SLC35D2: variants seen among roughly 807,000 people sequenced by gnomAD.
The protein encoded by SLC35D2 is solute carrier family 35 member D2, also known as nucleotide sugar transporter SLC35D2.
A neutral mutation model predicts 41.8 loss-of-function variants in SLC35D2; 43 were observed. The observed-to-expected ratio is 1.03, with a 90% confidence interval of 0.81 to 1.33. The LOEUF (loss-of-function observed/expected upper bound fraction) is 1.33, where lower values mean the gene tolerates loss of function less well. SLC35D2 is among the 40% of genes most tolerant of loss of function. The pLI is 0.00. For synonymous variants in SLC35D2, 150 were observed against 163.9 expected, an observed-to-expected ratio of 0.92 and a Z score of 0.65; for missense variants, 380 against 408.4, an observed-to-expected ratio of 0.93 and a Z score of 0.60.
intron 9 of SLC35D2, among the ~76,000 whole-genome samples, chr9:96,324,894 C>A (rs561885247): frequency 6.6e-6 from 1 of 152,250 alleles, no homozygotes; most frequent in East Asian, 1.9e-4. Context: ...CGATGCCTGG[C>A]AGAGGTTCTG....
At chr9:96,344,885 G>A (rs1829508212) in intron 7 of SLC35D2, among the ~76,000 whole-genome samples, 1 of 152,094 alleles carries the variant, frequency 6.6e-6, no homozygotes, top group African/African-American at 2.4e-5. Context: ...TAAGGAAACT[G>A]AAGTTTGGAG....
At chr9:96,368,661 C>T (rs908021846) in intron 1 of SLC35D2, among the ~76,000 whole-genome samples, 1 of 149,872 alleles carries the variant, frequency 6.7e-6, no homozygotes, top group African/African-American at 2.5e-5. Context: ...GCCACCACAC[C>T]CAGCTAAACA....
chr9:96,366,683 C>G (rs1169455583), intron 2 of SLC35D2, among the ~76,000 whole-genome samples: 2 of 151,124 alleles, frequency 1.3e-5, no homozygotes, highest in Non-Finnish European at 2.9e-5. Context: ...ACCATGTTGT[C>G]CAGGCTGGTC....
chr9:96,375,836 G>A (rs984060496), intron 1 of SLC35D2, among the ~76,000 whole-genome samples: 9 of 152,020 alleles, frequency 5.9e-5, no homozygotes, highest in Non-Finnish European at 8.8e-5. Flanking sequence ...TGGCCAACAC[G>A]GCAAAACCCC....
intron 9 of SLC35D2, among the ~76,000 whole-genome samples, chr9:96,326,108 T>TAATTTGA (rs1828515558): frequency 1.3e-5 from 2 of 152,258 alleles, no homozygotes; most frequent in East Asian, 3.8e-4. Flanking sequence ...CTTGCAATTT[T>TAATTTGA]AATTTGAAAG....
intron 1 of SLC35D2, among the ~76,000 whole-genome samples, chr9:96,374,951 A>T (rs1041042875): frequency 2.0e-5 from 3 of 150,310 alleles, no homozygotes; most frequent in East Asian, 1.9e-4. Flanking sequence ...ATTATAGTAA[A>T]TTTTTTTTAA....
intron 1 of SLC35D2, among the ~76,000 whole-genome samples, chr9:96,378,161 C>G (rs977802478): frequency 6.6e-6 from 1 of 151,736 alleles, no homozygotes; most frequent in Non-Finnish European, 1.5e-5. Context: ...AAACCAGGCA[C>G]AATGGCTCAT....
At chr9:96,382,443 A>C (rs867088758) in intron 1 of SLC35D2, among the ~76,000 whole-genome samples, 1 of 149,162 alleles carries the variant, frequency 6.7e-6, no homozygotes, top group African/African-American at 2.5e-5. Flanking sequence ...AACAGAGTGA[A>C]ACCTTGTCTC....
chr9:96,355,355 A>G (rs937988868), intron 4 of SLC35D2, among the ~76,000 whole-genome samples: 1 of 151,748 alleles, frequency 6.6e-6, no homozygotes, highest in African/African-American at 2.4e-5. Context: ...ACAGTAGTGA[A>G]TGTCTGTAGT....
chr9:96,380,638 G>GT (rs779315318), intron 1 of SLC35D2, among the ~76,000 whole-genome samples: 26 of 150,008 alleles, frequency 1.7e-4, no homozygotes, highest in South Asian at 1.1e-3. Flanking sequence ...TTTTTTGTTT[G>GT]TTTTTTTTGT....
intron 4 of SLC35D2, chr9:96,357,566 AT>A (rs1363401391): frequency 6.6e-6 from 1 of 152,162 alleles, no homozygotes; most frequent in African/African-American, 2.4e-5. Context: ...AAAGAAAAAA[AT>A]TTTTAATTAA....
At chr9:96,377,884 T>G (rs35214563) in intron 1 of SLC35D2, among the ~76,000 whole-genome samples, 3,853 of 152,300 alleles carry the variant, frequency 0.025, 71 homozygotes, top group Middle Eastern at 0.054. Context: ...CATGAGCAGC[T>G]GGGAGCTAGG....
chr9:96,313,739 C>T (rs1242841555), exon 12 of SLC35D2, among the ~76,000 whole-genome samples: 3 of 152,356 alleles, frequency 2.0e-5, no homozygotes, highest in East Asian at 1.9e-4. Flanking sequence ...GCACAGGCTG[C>T]GTCCTCCCTG....
chr9:96,359,583 G>A (rs1335837583), intron 4 of SLC35D2, among the ~76,000 whole-genome samples: 3 of 151,954 alleles, frequency 2.0e-5, no homozygotes, highest in Non-Finnish European at 4.4e-5. Context: ...CCAGCTACTT[G>A]GGAGGCTGAG....
chr9:96,358,078 T>TA lies in SLC35D2; in HGVS notation c.347+2075_347+2076insT, dbSNP rs1491320526. ...AAATGGATAAACAAAATATTATATA[T>TA]TTTATATATATATATATATATATAT... On this transcript the variant is annotated intron_variant, in intron 4 of 11. Transcript: ENST00000253270. 3.4e-3 allele frequency among the ~76,000 whole-genome samples: 271 copies of TA among 79,124 alleles called. 9 individuals carry two copies. Among genetic ancestry groups the TA allele is most frequent in the African/African-American group, 0.017 (246 of 14,846 alleles). 51.9% of individuals were successfully genotyped at this position (79,124 alleles called of 152,430 possible).
At chr9:96,352,425 G>T (rs537859874) in intron 4 of SLC35D2, among the ~76,000 whole-genome samples, 123 of 151,982 alleles carry the variant, frequency 8.1e-4, no homozygotes, top group African/African-American at 2.9e-3. Flanking sequence ...GGGTTCAAGC[G>T]ATTCTCCTGC....
chr9:96,360,866 C>T (rs1019342207), intron 3 of SLC35D2, among the ~76,000 whole-genome samples: 11 of 151,784 alleles, frequency 7.2e-5, no homozygotes, highest in African/African-American at 2.4e-4. Context: ...CTCAGTCTCC[C>T]GAGTAGCTGG....
rs187884489 is a variant in SLC35D2, at chr9:96,321,158, C to T, written c.*84G>A. ...GCCCAGGGGGTGGATGTCACGAATC[C>T]GAAACCTCTGGCTTCACATTCCTAC... On this transcript the variant is annotated 3_prime_UTR_variant, in exon 12 of 12. Coordinates refer to ENST00000253270, the MANE Select transcript of SLC35D2 (RefSeq NM_007001.3). 2.3e-4 allele frequency: 249 copies of T among 1,061,118 alleles called. 1 individual carries two copies. The East Asian group carries it at 4.2e-3, about 18-fold the overall frequency. 65.7% of individuals were successfully genotyped at this position (1,061,118 alleles called of 1,614,324 possible). A position where few individuals can be genotyped will look rare whatever the true frequency, so the allele number is the denominator to read the frequency against.
At chr9:96,314,894 G>C (rs1486269680) in exon 12 of SLC35D2, 2 of 152,114 alleles carry the variant, frequency 1.3e-5, no homozygotes, top group Non-Finnish European at 2.9e-5. Context: ...CTTCCACCAA[G>C]TCGAGCTGGG....
Sources: gnomAD v4.1 joint callset for allele counts (sites outside exome capture counted in the v4.1 genomes callset) on GRCh38, gnomAD v4.1.1 for gene constraint, MANE v1.5 for transcripts, NCBI Gene and HGNC (gene_info 2026-07-23, HGNC 2026-07-21) for gene names.